PPARGC1A: variants seen among roughly 807,000 people sequenced by gnomAD.
PPARGC1A encodes the protein PPARG coactivator 1 alpha.
PPARGC1A carries 25 observed loss-of-function variants against 88.7 expected under a neutral mutation model. That is an observed-to-expected ratio of 0.28 (90% confidence interval 0.21 to 0.39). The LOEUF is 0.39. Ranked by LOEUF, PPARGC1A falls within the 10% of genes least tolerant of loss-of-function variation. The pLI, the probability that PPARGC1A is intolerant of heterozygous loss-of-function variation, is 1.00. For synonymous variants in PPARGC1A, 363 were observed against 355.6 expected (o/e 1.02, Z -0.24); for missense variants, 880 against 968.7 (o/e 0.91, Z 1.22).
chr4:24,466,465 G>A, the PPARGC1A span, among the ~76,000 whole-genome samples: 7 of 152,152 alleles, frequency 4.6e-5, no homozygotes, highest in Admixed American at 4.6e-4. Flanking sequence ...CTAGCGCTGA[G>A]ACCTTAGGCA....
the PPARGC1A span, among the ~76,000 whole-genome samples, chr4:24,261,166 A>G: frequency 1.3e-5 from 2 of 152,032 alleles, no homozygotes; most frequent in South Asian, 2.1e-4. Context: ...GAATGTTTCC[A>G]TTGTTCCTCT....
the PPARGC1A span, among the ~76,000 whole-genome samples, chr4:24,147,245 C>T: frequency 6.6e-6 from 1 of 152,164 alleles, no homozygotes; most frequent in Non-Finnish European, 1.5e-5. Flanking sequence ...GGCAAATTGT[C>T]ACATAGGCCC....
chr4:24,193,106 G>A, the PPARGC1A span, among the ~76,000 whole-genome samples: 1 of 152,290 alleles, frequency 6.6e-6, no homozygotes, highest in South Asian at 2.1e-4. Flanking sequence ...AGGATGTTTA[G>A]TAACTTTTCT....
chr4:24,286,027 C>A, the PPARGC1A span, among the ~76,000 whole-genome samples: 1 of 152,136 alleles, frequency 6.6e-6, no homozygotes, highest in African/African-American at 2.4e-5. Context: ...CAGCAGCAAT[C>A]CCCTGAGGTT....
chr4:23,821,090 A>G (rs1041664558), intron 7 of PPARGC1A, among the ~76,000 whole-genome samples: 3 of 152,106 alleles, frequency 2.0e-5, no homozygotes, highest in Non-Finnish European at 2.9e-5. Context: ...TCTCAACACG[A>G]TGCTCCTGGC....
chr4:23,896,140 T>A (rs1718574424), intron 1 of PPARGC1A, among the ~76,000 whole-genome samples: 2 of 151,992 alleles, frequency 1.3e-5, no homozygotes, highest in Admixed American at 1.3e-4. Flanking sequence ...TAAAAATATA[T>A]CCTCAGAAAG....
chr4:24,335,474 T>C, the PPARGC1A span, among the ~76,000 whole-genome samples: 3 of 152,168 alleles, frequency 2.0e-5, no homozygotes, highest in African/African-American at 7.2e-5. Flanking sequence ...TCTATAGGGT[T>C]CCTTCCACAA....
chr4:24,084,903 G>T, the PPARGC1A span, among the ~76,000 whole-genome samples: 2 of 152,124 alleles, frequency 1.3e-5, no homozygotes, highest in Admixed American at 6.6e-5. Flanking sequence ...CTTCTATGGC[G>T]TCTGTGATCC....
At chr4:24,177,973 C>T in the PPARGC1A span, among the ~76,000 whole-genome samples, 6 of 152,118 alleles carry the variant, frequency 3.9e-5, no homozygotes, top group African/African-American at 7.2e-5. Flanking sequence ...CTGGATTCTC[C>T]GTATGTCATA....
At chr4:24,462,866 A>C in the PPARGC1A span, among the ~76,000 whole-genome samples, 1 of 151,808 alleles carries the variant, frequency 6.6e-6, no homozygotes, top group Non-Finnish European at 1.5e-5. Context: ...AACGTCTTTC[A>C]GGTCCAAGGT....
At chr4:24,136,858 G>A in the PPARGC1A span, among the ~76,000 whole-genome samples, 1 of 152,142 alleles carries the variant, frequency 6.6e-6, no homozygotes, top group African/African-American at 2.4e-5. Flanking sequence ...GCTCACGCCT[G>A]TAATCCCAGC....
the PPARGC1A span, among the ~76,000 whole-genome samples, chr4:23,994,519 C>T: frequency 6.6e-6 from 1 of 152,176 alleles, no homozygotes; most frequent in East Asian, 1.9e-4. Flanking sequence ...GTGAGAAGAG[C>T]ACACAACTAA....
chr4:23,889,354 G>A (rs757146560), intron 1 of PPARGC1A: 73 of 985,150 alleles, frequency 7.4e-5, no homozygotes, highest in Non-Finnish European at 8.6e-5. Flanking sequence ...AAGCAGCATC[G>A]TTGTTTTGTG....
the PPARGC1A span, among the ~76,000 whole-genome samples, chr4:24,294,400 C>T: frequency 1.3e-5 from 2 of 152,054 alleles, no homozygotes; most frequent in South Asian, 4.2e-4. Context: ...TATGAGCTTT[C>T]CTTTCTGAAG....
the PPARGC1A span, among the ~76,000 whole-genome samples, chr4:24,071,142 G>C: frequency 6.6e-6 from 1 of 152,258 alleles, no homozygotes; most frequent in South Asian, 2.1e-4. Flanking sequence ...TAGAAGGCCA[G>C]GACATCCTAT....
chr4:24,120,777 G>A, the PPARGC1A span, among the ~76,000 whole-genome samples: 1 of 152,118 alleles, frequency 6.6e-6, no homozygotes, highest in African/African-American at 2.4e-5. Context: ...GAACCCAGCA[G>A]GAAGGCCATG....
At chr4:23,809,249 G>T (rs527407948) in intron 10 of PPARGC1A, among the ~76,000 whole-genome samples, 1 of 152,000 alleles carries the variant, frequency 6.6e-6, no homozygotes, top group African/African-American at 2.4e-5. Flanking sequence ...ATATACTTTG[G>T]GGATGCATTA....
At chr4:24,191,210 T>C in the PPARGC1A span, among the ~76,000 whole-genome samples, 1 of 152,156 alleles carries the variant, frequency 6.6e-6, no homozygotes, top group Non-Finnish European at 1.5e-5. Context: ...CTCATCTAAA[T>C]AGGGTCAACA....
At chr4:23,994,924 G>A in the PPARGC1A span, among the ~76,000 whole-genome samples, 2 of 152,162 alleles carry the variant, frequency 1.3e-5, no homozygotes, top group South Asian at 2.1e-4. Context: ...GACTTCAAAT[G>A]TTTACCAACT....
Sources: allele counts gnomAD v4.1 joint callset (sites outside exome capture counted in the v4.1 genomes callset), GRCh38; gene constraint gnomAD v4.1.1; transcripts MANE v1.5; gene names NCBI Gene and HGNC (gene_info 2026-07-23, HGNC 2026-07-21).